The following ATP8B4 variants were observed in gnomAD, a reference collection of about 807,000 sequenced individuals.
ATP8B4 encodes probable phospholipid-transporting ATPase IM.
ATP8B4 carries 133 observed loss-of-function variants against 145.6 expected under a neutral mutation model. That is an observed-to-expected ratio of 0.91 (90% CI 0.79 to 1.05). The LOEUF (loss-of-function observed/expected upper bound fraction) is 1.05, where lower values mean the gene tolerates loss of function less well. Ranked by LOEUF, ATP8B4 falls within the 50% of genes least tolerant of loss-of-function variation. ATP8B4 has a pLI of 0.00. For missense variants in ATP8B4, 1,458 were observed against 1,425.2 expected (o/e 1.02, Z -0.37); for synonymous variants, 507 against 492.9 (o/e 1.03, Z -0.38).
intron 1 of ATP8B4, among the ~76,000 whole-genome samples, chr15:50,158,198 G>A (rs569447022): frequency 8.5e-5 from 13 of 152,166 alleles, no homozygotes; most frequent in Middle Eastern, 3.4e-3. Context: ...AGTGAGGAGC[G>A]TCTCTGCCTG....
At chr15:49,905,591 C>G (rs566247619) in intron 20 of ATP8B4, among the ~76,000 whole-genome samples, 1 of 152,204 alleles carries the variant, frequency 6.6e-6, no homozygotes, top group South Asian at 2.1e-4. Flanking sequence ...GTCTTATACT[C>G]TAAGAATGGG....
intron 9 of ATP8B4, among the ~76,000 whole-genome samples, chr15:49,991,032 T>A (rs752450137): frequency 6.6e-6 from 1 of 152,158 alleles, no homozygotes; most frequent in Non-Finnish European, 1.5e-5. Flanking sequence ...CATAATGGCA[T>A]GTCGGCACCA....
At chr15:50,141,821 C>A (rs1439739584) in intron 1 of ATP8B4, among the ~76,000 whole-genome samples, 1 of 152,170 alleles carries the variant, frequency 6.6e-6, no homozygotes, top group Non-Finnish European at 1.5e-5. Context: ...CTCAACCACA[C>A]TAGCTGGGTT....
intron 2 of ATP8B4, among the ~76,000 whole-genome samples, chr15:50,104,509 T>G (rs540476852): frequency 6.6e-6 from 1 of 152,166 alleles, no homozygotes; most frequent in South Asian, 2.1e-4. Flanking sequence ...ATCAGGGAAA[T>G]GCAAATCAAA....
intron 13 of ATP8B4, among the ~76,000 whole-genome samples, chr15:49,970,080 G>A (rs960297690): frequency 5.3e-5 from 8 of 152,082 alleles, no homozygotes; most frequent in Non-Finnish European, 1.2e-4. Context: ...ACCCCTTCAT[G>A]CTAAAAACTC....
chr15:49,982,004 T>C (rs1312105908), intron 10 of ATP8B4, among the ~76,000 whole-genome samples: 1 of 152,190 alleles, frequency 6.6e-6, no homozygotes, highest in Non-Finnish European at 1.5e-5. Flanking sequence ...AAAAATATTG[T>C]TAAAGAAATT....
chr15:50,159,893 T>C (rs2044489327), intron 1 of ATP8B4, among the ~76,000 whole-genome samples: 1 of 152,138 alleles, frequency 6.6e-6, no homozygotes, highest in African/African-American at 2.4e-5. Flanking sequence ...CTGTTGATGA[T>C]TACTGGCCTC....
chr15:50,038,084 C>G (rs1354230529), intron 6 of ATP8B4, among the ~76,000 whole-genome samples: 3 of 151,998 alleles, frequency 2.0e-5, no homozygotes, highest in African/African-American at 7.3e-5. Flanking sequence ...ATTTACTTTG[C>G]CACATTATCA....
chr15:50,023,802 A>AAAAAAAAAAAAAAAAAAAAAAG (rs2049793767), intron 6 of ATP8B4, among the ~76,000 whole-genome samples: 1 of 146,678 alleles, frequency 6.8e-6, no homozygotes, highest in African/African-American at 2.5e-5. Flanking sequence ...AAAAAGAAAA[A>AAAAAAAAAAAAAAAAAAAAAAG]AAAGAAAAAA....
intron 3 of ATP8B4, among the ~76,000 whole-genome samples, chr15:50,070,773 C>T (rs960431465): frequency 8.5e-5 from 13 of 152,148 alleles, no homozygotes; most frequent in Non-Finnish European, 1.8e-4. Flanking sequence ...TGGAGTCTCA[C>T]TCTGTAACCC....
chr15:50,096,211 A>C (rs528798505), intron 2 of ATP8B4, among the ~76,000 whole-genome samples: 82 of 152,276 alleles, frequency 5.4e-4, no homozygotes, highest in African/African-American at 1.9e-3. Context: ...AATCTGCATG[A>C]GGGTCATGAA....
chr15:50,088,026 C>T (rs955181214), intron 2 of ATP8B4, among the ~76,000 whole-genome samples: 2 of 152,012 alleles, frequency 1.3e-5, no homozygotes, highest in Non-Finnish European at 2.9e-5. Flanking sequence ...GATTTTCTCA[C>T]TCTAAATTAA....
chr15:49,866,628 T>C, intron 25 of ATP8B4, 144 bp from the exon 26 acceptor site: 1 of 872,642 alleles, frequency 1.1e-6, no homozygotes, highest in Non-Finnish European at 1.8e-6. Flanking sequence ...ATCCCCACTT[T>C]CTGAACACAC....
chr15:49,861,461 T>C (rs1311981029), intron 27 of ATP8B4, among the ~76,000 whole-genome samples: 1 of 149,912 alleles, frequency 6.7e-6, no homozygotes, highest in African/African-American at 2.5e-5. Context: ...TGTCTATCTA[T>C]CTATCTATCT....
chr15:50,070,341 T>C (rs926285165), intron 3 of ATP8B4, among the ~76,000 whole-genome samples: 49 of 152,278 alleles, frequency 3.2e-4, no homozygotes, highest in African/African-American at 9.6e-4. Flanking sequence ...AGGCATAGGT[T>C]CAAATCCCAG....
intron 2 of ATP8B4, among the ~76,000 whole-genome samples, chr15:50,097,760 C>T (rs910215976): frequency 6.6e-6 from 1 of 152,112 alleles, no homozygotes; most frequent in East Asian, 1.9e-4. Context: ...CTGGACAACA[C>T]TATTTTTGTA....
chr15:50,041,695 G>T (rs759818554), intron 5 of ATP8B4, among the ~76,000 whole-genome samples: 1 of 152,192 alleles, frequency 6.6e-6, no homozygotes, highest in Non-Finnish European at 1.5e-5. Context: ...TGTAATCCCA[G>T]GACTTTGAGA....
chr15:49,876,649 A>G, intron 24 of ATP8B4, 126 bp from the exon 25 acceptor site: 1 of 1,255,778 alleles, frequency 8.0e-7, no homozygotes, highest in Non-Finnish European at 1.1e-6. Flanking sequence ...TCACTGGGCC[A>G]GAACAGGACA....
intron 20 of ATP8B4, among the ~76,000 whole-genome samples, chr15:49,910,920 A>G (rs1008611121): frequency 3.3e-5 from 5 of 152,182 alleles, no homozygotes; most frequent in African/African-American, 9.6e-5. Flanking sequence ...TAAACCTGGA[A>G]GCAAAAGGAC....
Sources: allele counts gnomAD v4.1 joint callset (sites outside exome capture counted in the v4.1 genomes callset), GRCh38; gene constraint gnomAD v4.1.1; transcripts MANE v1.5; gene names NCBI Gene and HGNC (gene_info 2026-07-23, HGNC 2026-07-21).